Variants in ALKBH3 observed in about 807,000 individuals in gnomAD.
ALKBH3 encodes the protein alkB homolog 3, alpha-ketoglutarate dependent dioxygenase, also known as alpha-ketoglutarate-dependent dioxygenase alkB homolog 3.
Under a neutral mutation model 43.9 loss-of-function variants are expected in ALKBH3, and 51 were observed. The ratio of observed to expected loss-of-function variants is 1.16; its 90% CI spans 0.93 to 1.47. The LOEUF is 1.47. Ranked by LOEUF, ALKBH3 falls within the 40% of genes most tolerant of loss-of-function variation. ALKBH3 has a pLI of 0.00. For synonymous variants in ALKBH3, 102 were observed against 115.2 expected (o/e 0.89, Z 0.73); for missense variants, 361 against 351.9 (o/e 1.03, Z -0.21).
At chr11:43,919,180 A>C (rs761327539) in intron 9 of ALKBH3, 44 bp downstream of exon 9, 115 of 1,514,550 alleles carry the variant, frequency 7.6e-5, no homozygotes, top group Non-Finnish European at 9.9e-5. Context: ...ATGTGGAGGC[A>C]GTTTCCTGAC....
chr11:43,890,018 G>T (rs566787876), intron 6 of ALKBH3, among the ~76,000 whole-genome samples, 190 bp downstream of exon 6: 2 of 152,254 alleles, frequency 1.3e-5, no homozygotes, highest in Admixed American at 1.3e-4. Context: ...CAGGTGGAAG[G>T]CCCAGAGATC....
intron 4 of ALKBH3, among the ~76,000 whole-genome samples, chr11:43,885,330 A>G (rs1241544141): frequency 1.3e-5 from 2 of 152,232 alleles, no homozygotes; most frequent in East Asian, 3.8e-4. Flanking sequence ...AAAATACACC[A>G]TATTGAAACA....
intron 7 of ALKBH3, chr11:43,898,798 A>G (rs957239278): frequency 2.5e-5 from 19 of 763,548 alleles, no homozygotes; most frequent in African/African-American, 5.1e-5. Context: ...TGACAACACC[A>G]GAAGGAAATT....
intron 7 of ALKBH3, 109 bp from the exon 8 acceptor site, chr11:43,901,407 C>A: frequency 5.7e-6 from 7 of 1,237,728 alleles, no homozygotes; most frequent in Non-Finnish European, 8.0e-6. Context: ...TATTACATGC[C>A]CTGGTTATAA....
At position 43,883,102 on chromosome 11, in the gene ALKBH3, C is replaced by G; in HGVS notation, c.97C>G (p.His33Asp). The change falls in exon 3 of 10, where the codon CAT becomes GAT. Residue 33 changes from histidine (H) to aspartate (D), a missense_variant. By Grantham distance (81) the His-to-Asp change is moderately conservative (BLOSUM62 -1). Coordinates refer to ENST00000302708, the MANE Select transcript of ALKBH3 (RefSeq NM_139178.4). ...TGCTTCAGCTACCACTGCTAAGAGCCATCTCCACCAGAAGCCTGGCCAGAC... is the reference window on the plus strand; with the variant it reads ...TGCTTCAGCTACCACTGCTAAGAGCGATCTCCACCAGAAGCCTGGCCAGAC... ...IAQPATTAKS[H>D]LHQKPGQTWK... 6.2e-7 allele frequency: 1 copy of G among 1,614,042 alleles called. No individual in the cohort carries two copies. The highest frequency in any genetic ancestry group is 8.5e-7 in the Non-Finnish European group (1 of 1,179,982).
At chr11:43,899,784 T>A (rs1160371763) in intron 7 of ALKBH3, 1 of 193,448 alleles carries the variant, frequency 5.2e-6, no homozygotes, top group Non-Finnish European at 1.1e-5. Flanking sequence ...ATTTTGTATA[T>A]GTTGTGCACA....
At chr11:43,892,180 G>A in intron 7 of ALKBH3, 51 bp downstream of exon 7, 4 of 1,447,526 alleles carry the variant, frequency 2.8e-6, no homozygotes, top group Non-Finnish European at 3.9e-6. Context: ...TATACTATGT[G>A]TTGAGTGCTA....
At chr11:43,895,078 A>T (rs535093120) in intron 7 of ALKBH3, among the ~76,000 whole-genome samples, 1 of 152,238 alleles carries the variant, frequency 6.6e-6, no homozygotes, top group Non-Finnish European at 1.5e-5. Flanking sequence ...TTTTCACATC[A>T]GAGTAAAGCT....
chr11:43,919,766 C>G, intron 9 of ALKBH3, 152 bp from the exon 10 acceptor site: 1 of 682,920 alleles, frequency 1.5e-6, no homozygotes, highest in South Asian at 1.9e-5. Flanking sequence ...AAAGAAGGGA[C>G]CTTTCTCCAC....
Position 43,919,049 on chromosome 11 carries a change from A to C in ALKBH3, c.681A>C (p.Gly227=). The stretch of plus-strand genomic sequence containing the variant: ...ATGCTGTTTTCTAGGAAGAGAATGG[A>C]GACTACACATATGTGGAAAGAGTGA... ...MRKKPPPEEN[G]DYTYVERVKI... Residue 227 remains glycine, a synonymous_variant, in exon 9 of 10, where the codon GGA becomes GGC. Coordinates refer to ENST00000302708, the MANE Select transcript of ALKBH3 (RefSeq NM_139178.4). 6.2e-7 allele frequency: 1 copy of C among 1,606,060 alleles called. No individual in the cohort carries two copies. The highest frequency in any genetic ancestry group is 2.2e-5 in the East Asian group (1 of 44,838).
intron 8 of ALKBH3, among the ~76,000 whole-genome samples, chr11:43,917,751 A>G (rs2135209294): frequency 6.6e-6 from 1 of 152,310 alleles, no homozygotes; most frequent in Middle Eastern, 3.4e-3. Flanking sequence ...GAGGGGTCAA[A>G]GGTAAATGTT....
chr11:43,920,231 A>G lies in ALKBH3; in HGVS notation c.*221A>G, dbSNP rs542025061. The G allele has an allele frequency of 1.6e-4, 80 of 502,362 alleles. No individual in the cohort carries two copies. The highest frequency in any genetic ancestry group is 1.2e-3 in the African/African-American group (63 of 51,908). The allele number at this position is 502,362 out of a possible 1,614,324, so 31.1% of individuals were successfully genotyped here. A position where few individuals can be genotyped will look rare whatever the true frequency, so the allele number is the denominator to read the frequency against. On this transcript the variant is annotated 3_prime_UTR_variant, in exon 10 of 10. Coordinates refer to ENST00000302708, the MANE Select transcript of ALKBH3 (RefSeq NM_139178.4). ...TCCCTAACCACAGCTCAAAATCGCT[A>G]TCATCTTTAGGCAAATTAAAATCTA...
At chr11:43,895,506 GT>G (rs1222420299) in intron 7 of ALKBH3, among the ~76,000 whole-genome samples, 1 of 152,136 alleles carries the variant, frequency 6.6e-6, no homozygotes, top group Non-Finnish European at 1.5e-5. Context: ...ACCTCTTTTT[GT>G]TGGTAAATTA....
In ALKBH3 at chr11:43,920,099, A is replaced by C; in HGVS notation, c.*89A>C. On this transcript the variant is annotated 3_prime_UTR_variant, in exon 10 of 10. Coordinates refer to ENST00000302708, the MANE Select transcript of ALKBH3 (RefSeq NM_139178.4). ...CAAGAGGCTGGTGCTGCTAGATCTC[A>C]TGATGTGGCTGTTGGGAAGATGGTG... is the stretch of plus-strand genomic sequence containing the variant. 5.1e-5 allele frequency: 62 copies of C among 1,227,132 alleles called. No individual in the cohort carries two copies. Among genetic ancestry groups the C allele is most frequent in the East Asian group, 1.2e-4 (5 of 42,332 alleles). The allele number at this position is 1,227,132 out of a possible 1,614,324, so 76.0% of individuals were successfully genotyped here.
chr11:43,902,385 T>C (rs1951869410), intron 8 of ALKBH3, among the ~76,000 whole-genome samples: 1 of 152,192 alleles, frequency 6.6e-6, no homozygotes, highest in Non-Finnish European at 1.5e-5. Context: ...ACCTCAATTA[T>C]GTGACATTTG....
chr11:43,917,922 CTGTT>C (rs1951996668), intron 8 of ALKBH3, among the ~76,000 whole-genome samples: 1 of 152,214 alleles, frequency 6.6e-6, no homozygotes, highest in Non-Finnish European at 1.5e-5. Context: ...GGAACTTAGA[CTGTT>C]TATGCAAGTT....
chr11:43,892,192 A>G, intron 7 of ALKBH3, 63 bp downstream of exon 7: 1 of 1,383,428 alleles, frequency 7.2e-7, no homozygotes, highest in Non-Finnish European at 1.0e-6. Context: ...TGAGTGCTAT[A>G]AAATAACAAC....
chr11:43,898,895 G>C (rs1951840226), intron 7 of ALKBH3: 1 of 753,540 alleles, frequency 1.3e-6, no homozygotes, highest in Non-Finnish European at 2.5e-6. Flanking sequence ...TGAGTGGAGA[G>C]TGCATGTGCA....
intron 8 of ALKBH3, among the ~76,000 whole-genome samples, chr11:43,910,709 C>G (rs1294060580): frequency 1.3e-5 from 2 of 152,196 alleles, no homozygotes; most frequent in Non-Finnish European, 1.5e-5. Context: ...CTTGAACTAT[C>G]TAAAGAACCC....
Sources: gnomAD v4.1 joint callset for allele counts (sites outside exome capture counted in the v4.1 genomes callset) on GRCh38, gnomAD v4.1.1 for gene constraint, MANE v1.5 for transcripts, NCBI Gene and HGNC (gene_info 2026-07-23, HGNC 2026-07-21) for gene names.